The following ZHX2 variants were observed in gnomAD, a reference collection of about 807,000 sequenced individuals.
The protein encoded by ZHX2 is zinc fingers and homeoboxes protein 2.
Under a neutral mutation model 21.9 loss-of-function variants are expected in ZHX2, and 6 were observed. The ratio of observed to expected loss-of-function variants is 0.27; its 90% CI spans 0.15 to 0.54. The LOEUF is 0.54. Ranked by LOEUF, ZHX2 falls within the 20% of genes least tolerant of loss-of-function variation. The probability of loss-of-function intolerance (pLI) is 0.95; values close to 1 mark genes in which losing one functional copy is unlikely to be tolerated. For missense variants in ZHX2, 908 were observed against 1,090.7 expected, an observed-to-expected ratio of 0.83 and a Z score of 2.36; for synonymous variants, 434 against 437.1, an observed-to-expected ratio of 0.99 and a Z score of 0.09.
In ZHX2 at chr8:122,972,413, A is replaced by G. The variant is rs1813746529; in HGVS notation, c.*5-829A>G. ...TGATTCTTAATAATTCTGTTTATTA[A>G]GTGCACGGACTCTAGAGATTACCTG... On this transcript the variant is annotated intron_variant, in intron 3 of 3. Coordinates refer to ENST00000314393, the MANE Select transcript of ZHX2 (RefSeq NM_014943.5). Among the ~76,000 whole-genome samples, 7 of 152,208 alleles carry G rather than the reference A, an allele frequency of 4.6e-5. No individual in the cohort carries two copies. In the South Asian group the frequency reaches 1.2e-3, roughly 27 times the overall value.
rs201034843 is a variant in ZHX2, at chr8:122,953,447, C to T, written c.1937C>T (p.Thr646Met). 67 of 1,614,078 alleles carry T rather than the reference C, an allele frequency of 4.2e-5. No individual in the cohort carries two copies. Among genetic ancestry groups the T allele is most frequent in the Middle Eastern group, 1.6e-4 (1 of 6,084 alleles). ...GAACAGGTTCATCTCCTGAGGAGCA[C>T]GTTTGCAAGAACCCAGTGGCCTACT... ...SQEQVHLLRSTFARTQWPTPQ... is the reference protein window; with the variant it reads ...SQEQVHLLRSMFARTQWPTPQ... The change falls in exon 3 of 4, where the codon ACG (threonine) becomes ATG (methionine). Residue 646 changes from threonine to methionine, a missense_variant. By Grantham distance (81) the Thr-to-Met change is moderately conservative. This residue lies in a region of ZHX2 where 431 missense variants were observed against 428.6 expected (regional missense o/e 1.01). Coordinates refer to ENST00000314393, the MANE Select transcript of ZHX2 (RefSeq NM_014943.5). This position sits in a 1 kb window ranked among gnomAD's most constrained non-coding sequence, Gnocchi z 4.6.
chr8:122,883,734 C>T (rs1379051717), intron 2 of ZHX2, among the ~76,000 whole-genome samples: 1 of 152,156 alleles, frequency 6.6e-6, no homozygotes, highest in Non-Finnish European at 1.5e-5. Flanking sequence ...AAGAAAGACC[C>T]GTTTGTTGGT....
At chr8:122,921,086 TG>T (rs1820727184) in intron 2 of ZHX2, among the ~76,000 whole-genome samples, 1 of 152,152 alleles carries the variant, frequency 6.6e-6, no homozygotes, top group Non-Finnish European at 1.5e-5. Context: ...TTTTTGTTTT[TG>T]TTTTTTTGAG....
chr8:122,875,596 TGCG>T (rs200607014), intron 2 of ZHX2, among the ~76,000 whole-genome samples: 1 of 141,312 alleles, frequency 7.1e-6, no homozygotes, highest in Non-Finnish European at 1.6e-5. Context: ...CAACAGCAGG[TGCG>T]GTAGTAGTAG....
At chr8:122,833,393 A>C in intron 1 of ZHX2, among the ~76,000 whole-genome samples, 1 of 152,114 alleles carries the variant, frequency 6.6e-6, no homozygotes. Flanking sequence ...AGAGCTGCTG[A>C]GGAATGGGAT....
intron 2 of ZHX2, among the ~76,000 whole-genome samples, chr8:122,891,904 G>A (rs1298307884): frequency 6.6e-6 from 1 of 152,206 alleles, no homozygotes; most frequent in Non-Finnish European, 1.5e-5. Flanking sequence ...GCAGCTGTTG[G>A]ATGAAATGTT....
chr8:122,837,780 G>GC (rs1818536615), intron 1 of ZHX2, among the ~76,000 whole-genome samples: 1 of 152,188 alleles, frequency 6.6e-6, no homozygotes, highest in Non-Finnish European at 1.5e-5. Flanking sequence ...CTTGCCAACA[G>GC]ATAATGTCTC....
At chr8:122,846,875 A>G (rs1818761966) in intron 1 of ZHX2, among the ~76,000 whole-genome samples, 1 of 152,182 alleles carries the variant, frequency 6.6e-6, no homozygotes, top group African/African-American at 2.4e-5. Flanking sequence ...AATCTAAGGT[A>G]AGATAAATGG....
At chr8:122,784,078 GA>G (rs2130507505) in intron 1 of ZHX2, among the ~76,000 whole-genome samples, 1 of 152,324 alleles carries the variant, frequency 6.6e-6, no homozygotes, top group East Asian at 1.9e-4. Flanking sequence ...TTTGAAGGGG[GA>G]AAACACCACT....
chr8:122,816,572 T>C (rs1818039858), intron 1 of ZHX2: 1 of 151,904 alleles, frequency 6.6e-6, no homozygotes, highest in African/African-American at 2.4e-5. Context: ...GAATCTGTCT[T>C]ATGTCCATCT....
intron 1 of ZHX2, among the ~76,000 whole-genome samples, chr8:122,813,569 G>T (rs1647639635): frequency 6.6e-6 from 1 of 152,206 alleles, no homozygotes; most frequent in Non-Finnish European, 1.5e-5. Context: ...AGTAGAGAAA[G>T]AAGTCATCCC....
intron 1 of ZHX2, among the ~76,000 whole-genome samples, chr8:122,790,134 AAAG>A (rs1260036571): frequency 6.6e-6 from 1 of 152,204 alleles, no homozygotes; most frequent in Non-Finnish European, 1.5e-5. Context: ...GGAATCACTG[AAAG>A]AAGATTTTGA....
At chr8:122,888,863 T>C (rs1257471592) in intron 2 of ZHX2, among the ~76,000 whole-genome samples, 20 of 152,216 alleles carry the variant, frequency 1.3e-4, no homozygotes, top group Admixed American at 1.3e-3. Flanking sequence ...GCTATGATTT[T>C]GTCTCCATTT....
intron 2 of ZHX2, among the ~76,000 whole-genome samples, chr8:122,917,570 A>G (rs1820635410): frequency 6.6e-6 from 1 of 152,222 alleles, no homozygotes; most frequent in African/African-American, 2.4e-5. Context: ...TCTTGAAATC[A>G]GACATAGATC....
intron 1 of ZHX2, among the ~76,000 whole-genome samples, chr8:122,858,212 A>G (rs1819076300): frequency 6.6e-6 from 1 of 152,098 alleles, no homozygotes; most frequent in African/African-American, 2.4e-5. Flanking sequence ...CCCTGGCTGC[A>G]CTCACGCCTC....
At chr8:122,853,333 G>A (rs1818947442) in intron 1 of ZHX2, among the ~76,000 whole-genome samples, 1 of 152,172 alleles carries the variant, frequency 6.6e-6, no homozygotes, top group African/African-American at 2.4e-5. Flanking sequence ...ACAGTGTTAT[G>A]ATGCCCATTG....
intron 2 of ZHX2, among the ~76,000 whole-genome samples, chr8:122,871,944 G>A (rs1819452461): frequency 6.6e-6 from 1 of 152,142 alleles, no homozygotes; most frequent in Non-Finnish European, 1.5e-5. Flanking sequence ...CCAACCTATA[G>A]ATGTGTTCCT....
chr8:122,789,126 G>A (rs1244994034), intron 1 of ZHX2, among the ~76,000 whole-genome samples: 1 of 152,232 alleles, frequency 6.6e-6, no homozygotes, highest in Admixed American at 6.5e-5. Flanking sequence ...CAGCCAATGG[G>A]GGAAGGGGGT....
chr8:122,888,926 C>G (rs887652432), intron 2 of ZHX2, among the ~76,000 whole-genome samples: 5 of 152,190 alleles, frequency 3.3e-5, no homozygotes, highest in African/African-American at 1.2e-4. Context: ...ATAGTAACCA[C>G]TCTTCTACTC....
Sources: allele counts gnomAD v4.1 joint callset (sites outside exome capture counted in the v4.1 genomes callset), GRCh38; gene constraint gnomAD v4.1.1; regional missense constraint gnomAD v4.1.1; non-coding constraint Gnocchi (gnomAD v3.1); transcripts MANE v1.5; gene names NCBI Gene and HGNC (gene_info 2026-07-23, HGNC 2026-07-21).